The following KCNK2 variants were observed in gnomAD, a reference collection of about 807,000 sequenced individuals.
The protein encoded by KCNK2 is potassium two pore domain channel subfamily K member 2.
A neutral mutation model predicts 40.5 loss-of-function variants in KCNK2; 21 were observed. The ratio of observed to expected loss-of-function variants is 0.52; its 90% confidence interval spans 0.37 to 0.75. The LOEUF (loss-of-function observed/expected upper bound fraction) is 0.75, where lower values mean the gene tolerates loss of function less well. Ranked by LOEUF, KCNK2 falls within the 30% of genes least tolerant of loss-of-function variation. The probability of loss-of-function intolerance (pLI) is 0.00; values close to 1 mark genes in which losing one functional copy is unlikely to be tolerated. For missense variants in KCNK2, 399 were observed against 531.6 expected (o/e 0.75, Z 2.45); for synonymous variants, 191 against 202.2 (o/e 0.94, Z 0.47).
chr1:215,123,256 CTAAG>C (rs1661275788), intron 2 of KCNK2, among the ~76,000 whole-genome samples: 1 of 151,600 alleles, frequency 6.6e-6, no homozygotes, highest in Admixed American at 6.6e-5. Flanking sequence ...ATAGTATTAA[CTAAG>C]TAAGAGTAGA....
chr1:215,191,934 T>C (rs1005023865), intron 5 of KCNK2, among the ~76,000 whole-genome samples: 1 of 152,124 alleles, frequency 6.6e-6, no homozygotes, highest in Admixed American at 6.6e-5. Context: ...ACAGGGGCAG[T>C]GGCCCTGTCA....
intron 2 of KCNK2, among the ~76,000 whole-genome samples, chr1:215,116,930 T>A (rs181941116): frequency 7.9e-5 from 12 of 152,134 alleles, no homozygotes; most frequent in Admixed American, 7.9e-4. Context: ...ATGTTTTGTA[T>A]AAAATATGCA....
intron 1 of KCNK2, among the ~76,000 whole-genome samples, chr1:215,058,547 C>T (rs1424589961): frequency 5.3e-5 from 8 of 152,266 alleles, no homozygotes; most frequent in Admixed American, 6.5e-5. Context: ...ATTTCTATAA[C>T]GACCTTTGTT....
chr1:215,052,996 T>A (rs1156887429), intron 1 of KCNK2, among the ~76,000 whole-genome samples: 1 of 152,174 alleles, frequency 6.6e-6, no homozygotes, highest in Non-Finnish European at 1.5e-5. Context: ...AGCAATAAGT[T>A]ACTCATTTTC....
At chr1:215,174,691 C>T (rs1003694601) in intron 5 of KCNK2, among the ~76,000 whole-genome samples, 13 of 152,202 alleles carry the variant, frequency 8.5e-5, no homozygotes, top group African/African-American at 3.1e-4. Flanking sequence ...CTTCACATCC[C>T]TTGTAAGTTG....
At chr1:215,156,791 A>G (rs911772042) in intron 3 of KCNK2, among the ~76,000 whole-genome samples, 3 of 152,178 alleles carry the variant, frequency 2.0e-5, no homozygotes, top group African/African-American at 7.2e-5. Context: ...GAAAGGGGCA[A>G]GTGCAACACA....
At chr1:215,184,269 GT>G (rs1392547411) in intron 5 of KCNK2, among the ~76,000 whole-genome samples, 3 of 152,136 alleles carry the variant, frequency 2.0e-5, no homozygotes, top group Non-Finnish European at 2.9e-5. Context: ...GAAATGGAAA[GT>G]TTGTTATTAC....
chr1:215,056,607 T>C (rs1308461264), intron 1 of KCNK2, among the ~76,000 whole-genome samples: 5 of 132,314 alleles, frequency 3.8e-5, no homozygotes. Context: ...TAAAGGATTG[T>C]GTCCACTCTT....
chr1:215,017,725 G>C (rs988704541), intron 1 of KCNK2, among the ~76,000 whole-genome samples: 89 of 152,094 alleles, frequency 5.9e-4, no homozygotes, highest in African/African-American at 2.1e-3. Flanking sequence ...AATAGATTTT[G>C]TGTTCTCACC....
At chr1:215,188,742 TA>T (rs1189265809) in intron 5 of KCNK2, among the ~76,000 whole-genome samples, 1 of 152,146 alleles carries the variant, frequency 6.6e-6, no homozygotes, top group Non-Finnish European at 1.5e-5. Context: ...GCCAGGAATT[TA>T]ACAGATAACA....
chr1:215,043,375 G>C (rs1481500581), intron 1 of KCNK2, among the ~76,000 whole-genome samples: 2 of 152,176 alleles, frequency 1.3e-5, no homozygotes, highest in Non-Finnish European at 2.9e-5. Flanking sequence ...ATTCACAATA[G>C]CCAAAAGGTG....
At chr1:215,222,666 A>T (rs1934201) in intron 6 of KCNK2, among the ~76,000 whole-genome samples, 150,939 of 152,044 alleles carry the variant, frequency 0.99, 74,937 homozygotes, top group East Asian at 1. Context: ...TATACTTCTC[A>T]GAAAACCAGA....
chr1:215,042,347 A>G (rs2102493300), intron 1 of KCNK2, among the ~76,000 whole-genome samples: 1 of 152,284 alleles, frequency 6.6e-6, no homozygotes, highest in East Asian at 1.9e-4. Flanking sequence ...GGTTGCCCAG[A>G]CGGGGTGTTG....
chr1:215,140,636 T>C (rs1662132567), intron 3 of KCNK2, among the ~76,000 whole-genome samples: 1 of 152,164 alleles, frequency 6.6e-6, no homozygotes, highest in Non-Finnish European at 1.5e-5. Context: ...TAAAAGATTT[T>C]TTAAAAATAG....
At chr1:215,042,095 T>C (rs1657588380) in intron 1 of KCNK2, among the ~76,000 whole-genome samples, 1 of 152,146 alleles carries the variant, frequency 6.6e-6, no homozygotes, top group East Asian at 1.9e-4. Flanking sequence ...CATGATTCAA[T>C]TACCTCCCAC....
rs567508644 is a variant in KCNK2, at chr1:215,113,039, T to C, written c.358-11594T>C. 2.4e-4 allele frequency among the ~76,000 whole-genome samples: 36 copies of C among 152,330 alleles called. No individual in the cohort carries two copies. In the South Asian group the frequency reaches 3.7e-3, roughly 16 times the overall value. ...GATTTTATGTCTACTCAAAAATCAG[T>C]AAGCATAGAATATACTACAAATGAT... On this transcript the variant is annotated intron_variant, in intron 2 of 6. Transcript: ENST00000444842.
At chr1:215,041,473 T>C (rs1457842584) in intron 1 of KCNK2, among the ~76,000 whole-genome samples, 1 of 152,172 alleles carries the variant, frequency 6.6e-6, no homozygotes. Context: ...TCCACAGTGA[T>C]AGGAAAGGCC....
chr1:215,005,781 C>T (rs1656106070), upstream of KCNK2: 1 of 719,320 alleles, frequency 1.4e-6, no homozygotes, highest in South Asian at 1.7e-5. Context: ...GGGTAACATT[C>T]ACACACAAAA....
At chr1:215,141,388 G>T (rs934579807) in intron 3 of KCNK2, among the ~76,000 whole-genome samples, 2 of 151,998 alleles carry the variant, frequency 1.3e-5, no homozygotes, top group Non-Finnish European at 2.9e-5. Context: ...CACAAACGTG[G>T]GTAATATGTT....
Sources: gnomAD v4.1 joint callset for allele counts (sites outside exome capture counted in the v4.1 genomes callset) on GRCh38, gnomAD v4.1.1 for gene constraint, MANE v1.5 for transcripts, NCBI Gene and HGNC (gene_info 2026-07-23, HGNC 2026-07-21) for gene names.